NCOA2: variants seen among roughly 807,000 people sequenced by gnomAD.
The protein encoded by NCOA2 is class E basic helix-loop-helix protein 75.
A neutral mutation model predicts 145.1 loss-of-function variants in NCOA2; 21 were observed. That is an observed-to-expected ratio of 0.14 (90% CI 0.10 to 0.21). The LOEUF (loss-of-function observed/expected upper bound fraction) is 0.21, where lower values mean the gene tolerates loss of function less well. Ranked by LOEUF, NCOA2 falls within the 10% of genes least tolerant of loss-of-function variation. The pLI is 1.00. For missense variants in NCOA2, 1,472 were observed against 1,837.6 expected (o/e 0.80, Z 3.64); for synonymous variants, 619 against 637.5 (o/e 0.97, Z 0.44).
rs768390186 is a variant in NCOA2 at position 70,156,708 on chromosome 8, C to A, written c.1657G>T (p.Ala553Ser). The change falls in exon 11 of 23, where the codon GCT (alanine) becomes TCT (serine). Residue 553 changes from alanine to serine, a missense_variant. Around this residue, in one of 4 missense-constraint regions of NCOA2, gnomAD observed 953 missense variants for 1,062.1 expected, o/e 0.90. Transcript: ENST00000452400. ...GHGVSLGSSL[A>S]SPDLKMGNLQ... ...TTGCCCATTTTTAGGTCTGGTGAAGCCAACGATGACCCTAATGAGACCCCG... is the reference window on the plus strand; with the variant it reads ...TTGCCCATTTTTAGGTCTGGTGAAGACAACGATGACCCTAATGAGACCCCG... 5.6e-6 allele frequency: 9 copies of A among 1,613,920 alleles called. No individual in the cohort carries two copies. The highest frequency in any genetic ancestry group is 5.1e-6 in the Non-Finnish European group (6 of 1,179,882).
chr8:70,148,999 G>C (rs1290743716), intron 11 of NCOA2, among the ~76,000 whole-genome samples: 1 of 150,776 alleles, frequency 6.6e-6, no homozygotes, highest in African/African-American at 2.4e-5. Context: ...ATCTTTAAAA[G>C]AACACAGGGG....
chr8:70,192,850 C>T (rs371108239), intron 4 of NCOA2, among the ~76,000 whole-genome samples: 5 of 151,868 alleles, frequency 3.3e-5, no homozygotes, highest in East Asian at 1.9e-4. Flanking sequence ...GGGCAGATCA[C>T]GAGCTCAGGA....
At chr8:70,298,143 A>C (rs2135776916) in intron 1 of NCOA2, among the ~76,000 whole-genome samples, 1 of 152,352 alleles carries the variant, frequency 6.6e-6, no homozygotes, top group Non-Finnish European at 1.5e-5. Flanking sequence ...TCAAAACTTA[A>C]AACATTACTA....
In NCOA2 at chr8:70,402,771, CCTCCCG is replaced by C. The variant is rs1202477027; in HGVS notation, c.-77+923_-77+928del. Among the ~76,000 whole-genome samples, 20 of 151,788 alleles carry C rather than the reference CCTCCCG, an allele frequency of 1.3e-4. No homozygotes were observed. In the East Asian group the frequency reaches 2.5e-3, roughly 19 times the overall value. On this transcript the variant is annotated intron_variant, in intron 1 of 22. Coordinates refer to ENST00000452400, the MANE Select transcript of NCOA2 (RefSeq NM_006540.4). ...AGCCAACCCGGAACCTCCCGGTCCG[CCTCCCG>C]CCCCCGGCCCCGGCCCCAGCGCGCC...
At chr8:70,204,912 G>A (rs543835832) in intron 4 of NCOA2, among the ~76,000 whole-genome samples, 1 of 152,282 alleles carries the variant, frequency 6.6e-6, no homozygotes, top group South Asian at 2.1e-4. Context: ...GGAGGATGAG[G>A]CACAAGAATC....
chr8:70,216,808 C>T, intron 2 of NCOA2, 44 bp from the exon 3 acceptor site: 2 of 1,239,184 alleles, frequency 1.6e-6, no homozygotes, highest in South Asian at 2.4e-5. Context: ...ATGAAGAGAG[C>T]TGATGATGAA....
intron 15 of NCOA2, among the ~76,000 whole-genome samples, chr8:70,137,409 G>A (rs892376523): frequency 7.2e-5 from 11 of 152,296 alleles, no homozygotes; most frequent in African/African-American, 2.6e-4. Flanking sequence ...TTTGGGTCTA[G>A]TTCTTCCTAA....
intron 1 of NCOA2, among the ~76,000 whole-genome samples, chr8:70,400,367 T>C (rs1427919193): frequency 1.3e-5 from 2 of 152,152 alleles, no homozygotes; most frequent in Non-Finnish European, 2.9e-5. Context: ...TTTTTCTAGA[T>C]GTCTCCATAT....
Position 70,166,676 on chromosome 8 carries a change from A to G in NCOA2, c.620T>C (p.Leu207Ser), listed in dbSNP as rs1261173415. 1.2e-6 allele frequency: 2 copies of G among 1,613,868 alleles called. No homozygotes were observed. The highest frequency in any genetic ancestry group is 2.7e-5 in the African/African-American group (2 of 74,912). ...TFNCRMLVKPLPDSEEEGHDN... is the reference protein window; with the variant it reads ...TFNCRMLVKPSPDSEEEGHDN... ...ATGACCCTCCTCTTCTGAATCAGGT[A>G]AAGGTTTTACCAGCATCCGACAATT... The change falls in exon 7 of 23, where the codon TTA (leucine) becomes TCA (serine). Residue 207 changes from leucine to serine, a missense_variant. Transcript: ENST00000452400.
chr8:70,286,409 GT>G (rs1182816685), intron 2 of NCOA2, among the ~76,000 whole-genome samples: 2 of 152,140 alleles, frequency 1.3e-5, no homozygotes, highest in Non-Finnish European at 2.9e-5. Flanking sequence ...TTCCATCTCT[GT>G]TTTAAAAAGA....
Position 70,111,006 on chromosome 8 carries a change from A to T in NCOA2, c.*2626T>A, listed in dbSNP as rs1935792826. On this transcript the variant is annotated 3_prime_UTR_variant, in exon 23 of 23. Transcript: ENST00000452400. ...ATGAGAAATACTGATAATGAAGGGAACTGATTTGGCTTTTGCTTCTATAGT... is the reference window on the plus strand; with the variant it reads ...ATGAGAAATACTGATAATGAAGGGATCTGATTTGGCTTTTGCTTCTATAGT... 1 of 223,576 alleles carries T rather than the reference A, an allele frequency of 4.5e-6. No homozygotes were observed. Among genetic ancestry groups the T allele is most frequent in the African/African-American group, 2.2e-5 (1 of 44,846 alleles). 13.8% of individuals were successfully genotyped at this position (223,576 alleles called of 1,614,324 possible). A position where few individuals can be genotyped will look rare whatever the true frequency, so the allele number is the denominator to read the frequency against.
At chr8:70,377,540 A>T (rs148539670) in intron 1 of NCOA2, among the ~76,000 whole-genome samples, 2 of 152,150 alleles carry the variant, frequency 1.3e-5, no homozygotes, top group African/African-American at 4.8e-5. Context: ...GAACAGCTTT[A>T]AAAAAAATCC....
chr8:70,390,646 G>C (rs1421414365), intron 1 of NCOA2, among the ~76,000 whole-genome samples: 2 of 151,764 alleles, frequency 1.3e-5, no homozygotes, highest in African/African-American at 4.8e-5. Context: ...GCACACCTGT[G>C]GTCCCAGCTA....
the NCOA2 span, among the ~76,000 whole-genome samples, chr8:70,453,691 C>T: frequency 6.6e-6 from 1 of 152,344 alleles, no homozygotes; most frequent in South Asian, 2.1e-4. Context: ...GTCACACCAT[C>T]TTCTCGCTCC....
chr8:70,270,503 T>G (rs1227902937), intron 2 of NCOA2, among the ~76,000 whole-genome samples: 1 of 151,840 alleles, frequency 6.6e-6, no homozygotes, highest in Non-Finnish European at 1.5e-5. Flanking sequence ...GTACATCAAA[T>G]CCTAAACCTG....
Position 70,128,397 on chromosome 8 carries a change from A to T in NCOA2, c.3681+36T>A, listed in dbSNP as rs776114017. 3.2e-6 allele frequency: 5 copies of T among 1,570,428 alleles called. No homozygotes were observed. In the South Asian group the frequency reaches 5.7e-5, roughly 18 times the overall value. On this transcript the variant is annotated intron_variant, in intron 18 of 22. Coordinates refer to ENST00000452400, the MANE Select transcript of NCOA2 (RefSeq NM_006540.4). ...AGAAATGACAAAAGCAGCTGCATGC[A>T]TACAATGAAAGCTAATGGCTGGTAT...
chr8:70,449,773 A>C, the NCOA2 span, among the ~76,000 whole-genome samples: 1 of 152,358 alleles, frequency 6.6e-6, no homozygotes, highest in East Asian at 1.9e-4. Flanking sequence ...AGACGTTCAC[A>C]TGGGACTAGA....
chr8:70,355,924 T>C (rs1398327738), intron 1 of NCOA2, among the ~76,000 whole-genome samples: 1 of 152,146 alleles, frequency 6.6e-6, no homozygotes, highest in African/African-American at 2.4e-5. Context: ...TAAAACTTAA[T>C]CTAATAATAT....
At chr8:70,452,129 C>G in the NCOA2 span, among the ~76,000 whole-genome samples, 1 of 152,090 alleles carries the variant, frequency 6.6e-6, no homozygotes, top group Non-Finnish European at 1.5e-5. Context: ...CACATGCCAC[C>G]ATTCCAGGCT....
Sources: gnomAD v4.1 joint callset for allele counts (sites outside exome capture counted in the v4.1 genomes callset) on GRCh38, gnomAD v4.1.1 for gene constraint, gnomAD v4.1.1 regional missense constraint, MANE v1.5 for transcripts, NCBI Gene and HGNC (gene_info 2026-07-23, HGNC 2026-07-21) for gene names.